Variants in PHF8 observed in about 807,000 individuals in gnomAD.
PHF8 encodes PHD finger protein 8, also known as histone lysine demethylase PHF8.
In PHF8, 9 loss-of-function variants were observed where a neutral mutation model predicts 74.4. That is an observed-to-expected ratio of 0.12 (90% CI 0.07 to 0.21). PHF8 has a LOEUF of 0.21. PHF8 is among the 10% of genes least tolerant of loss of function. PHF8 has a pLI of 1.00. For missense variants in PHF8, 478 were observed against 816.6 expected (o/e 0.59, Z 5.05); for synonymous variants, 311 against 316.6 (o/e 0.98, Z 0.19).
intron 4 of PHF8, among the ~76,000 whole-genome samples, chrX:54,018,040 T>C (rs1342284024): frequency 9.0e-6 from 1 of 111,650 alleles, no homozygotes; most frequent in Non-Finnish European, 1.9e-5. Context: ...AACATGGTGC[T>C]CTTCTCTGGG....
At chrX:54,004,286 C>T (rs910893213) in intron 8 of PHF8, among the ~76,000 whole-genome samples, 1 of 108,853 alleles carries the variant, frequency 9.2e-6, no homozygotes, top group African/African-American at 3.3e-5. Context: ...TGCCTGGGAA[C>T]AGAAAACTAT....
At chrX:54,002,952 T>C (rs192010494) in intron 8 of PHF8, among the ~76,000 whole-genome samples, 63 of 111,838 alleles carry the variant, frequency 5.6e-4, no homozygotes, top group African/African-American at 1.8e-3. Flanking sequence ...GGGTATACAG[T>C]GGAGTTTTCC....
intron 14 of PHF8, among the ~76,000 whole-genome samples, chrX:53,992,396 C>T (rs965384023): frequency 8.9e-6 from 1 of 111,828 alleles, no homozygotes; most frequent in East Asian, 2.8e-4. Context: ...AAAATCTAAT[C>T]GAAAGTCAAA....
chrX:53,976,167 T>C (rs2065371957), intron 18 of PHF8, among the ~76,000 whole-genome samples: 1 of 109,362 alleles, frequency 9.1e-6, no homozygotes, highest in Non-Finnish European at 1.9e-5. Flanking sequence ...TAGCTGGACA[T>C]GGTGGCGCCT....
rs148853139 is a variant in PHF8, at chrX:54,027,041, T to A, written c.99-4198A>T. Among the ~76,000 whole-genome samples, 788 of 111,433 alleles carry A rather than the reference T, an allele frequency of 7.1e-3. 2 individuals are homozygous for A. The highest frequency in any genetic ancestry group is 0.019 in the Middle Eastern group (4 of 213). On this transcript the variant is annotated intron_variant, in intron 2 of 21. Transcript: ENST00000338154. ...ATCTACCTCCTTCTACACCCATCCTTTTTTTCCTATCACAACAAAAGTACT... is the reference window on the plus strand; with the variant it reads ...ATCTACCTCCTTCTACACCCATCCTATTTTTCCTATCACAACAAAAGTACT...
At chrX:54,044,925 G>A, upstream of PHF8, 1 of 1,127,113 alleles carries the variant, frequency 8.9e-7, no homozygotes, top group Non-Finnish European at 1.2e-6. Flanking sequence ...CTTTCCCACG[G>A]TCTCTGCGTT....
At chrX:53,952,659 G>A (rs191635012) in intron 19 of PHF8, among the ~76,000 whole-genome samples, 26 of 109,628 alleles carry the variant, frequency 2.4e-4, no homozygotes, top group South Asian at 7.8e-4. Context: ...TGAGGCGGGC[G>A]GATCATGAGG....
At chrX:53,959,066 A>G (rs1557089842) in intron 19 of PHF8, among the ~76,000 whole-genome samples, 2 of 111,772 alleles carry the variant, frequency 1.8e-5, no homozygotes, top group Non-Finnish European at 3.8e-5. Context: ...TCTTGTAGCC[A>G]TTAAAAATAT....
chrX:53,939,065 T>C lies in PHF8; in HGVS notation c.*93A>G. 8.6e-7 allele frequency: 1 copy of C among 1,161,126 alleles called. No individual in the cohort carries two copies. Among genetic ancestry groups the C allele is most frequent in the African/African-American group, 1.8e-5 (1 of 56,485 alleles). On this transcript the variant is annotated 3_prime_UTR_variant, in exon 22 of 22. Coordinates refer to ENST00000338154, the MANE Select transcript of PHF8 (RefSeq NM_015107.3). Reference sequence around the variant, plus strand: ...AGCAGGACAATGCACCTCAGCACCTTGTCCAGGGCAGATAGGATCCAGGAG... The same window carrying C: ...AGCAGGACAATGCACCTCAGCACCTCGTCCAGGGCAGATAGGATCCAGGAG...
Position 54,043,935 on chromosome X carries a change from G to C in PHF8, c.-266C>G. Reference sequence around the variant, plus strand: ...CGGCAGCCGGGCTAGCTCCGGGACTGCGAAGCGCCTCAGCGGAGGCTCGTC... The same window carrying C: ...CGGCAGCCGGGCTAGCTCCGGGACTCCGAAGCGCCTCAGCGGAGGCTCGTC... On this transcript the variant is annotated 5_prime_UTR_variant, in exon 1 of 22. Coordinates refer to ENST00000338154, the MANE Select transcript of PHF8 (RefSeq NM_015107.3). 1 of 754,979 alleles carries C rather than the reference G, an allele frequency of 1.3e-6. No homozygotes were observed. Among genetic ancestry groups the C allele is most frequent in the Non-Finnish European group, 1.6e-6 (1 of 639,410 alleles). 62.2% of individuals were successfully genotyped at this position (754,979 alleles called of 1,213,427 possible). A position where few individuals can be genotyped will look rare whatever the true frequency, so the allele number is the denominator to read the frequency against.
chrX:54,042,664 T>C lies in PHF8; in HGVS notation c.65A>G (p.Glu22Gly), dbSNP rs1478213644. The change falls in exon 2 of 22, where the codon GAG becomes GGG. Residue 22 changes from glutamate (E) to glycine (G), a missense_variant. This residue lies in a region of PHF8 where 15 missense variants were observed against 50.6 expected (regional missense o/e 0.30). Coordinates refer to ENST00000338154, the MANE Select transcript of PHF8 (RefSeq NM_015107.3). ...AAACCAGTCCTGGCACATGTCACAC[T>C]CGATCATGAAGCGGGTCACATCGTA... is the stretch of plus-strand genomic sequence containing the variant. ...LPYDVTRFMI[E>G]CDMCQDWFHG... 8.3e-7 allele frequency: 1 copy of C among 1,209,211 alleles called. No individual in the cohort carries two copies. The highest frequency in any genetic ancestry group is 1.1e-6 in the Non-Finnish European group (1 of 894,855).
At chrX:53,995,920 A>C (rs1213928382) in intron 11 of PHF8, 138 bp from the exon 12 acceptor site, 13 of 247,696 alleles carry the variant, frequency 5.2e-5, no homozygotes, top group Non-Finnish European at 7.2e-6. Flanking sequence ...ATCCACATGC[A>C]AAAAAAAAAA....
intron 18 of PHF8, among the ~76,000 whole-genome samples, chrX:53,966,382 C>G (rs2065187213): frequency 8.9e-6 from 1 of 112,622 alleles, no homozygotes; most frequent in Admixed American, 9.3e-5. Context: ...CAGGCGCGTG[C>G]CGCCACGCCT....
chrX:53,995,566 T>A, intron 12 of PHF8, 127 bp downstream of exon 12: 1 of 502,340 alleles, frequency 2.0e-6, no homozygotes, highest in Non-Finnish European at 3.6e-6. Flanking sequence ...AACGAATGAA[T>A]TGGGTCTTTG....
intron 19 of PHF8, among the ~76,000 whole-genome samples, chrX:53,954,499 CAAAAAAAAAAAAAA>C (rs1180184175): frequency 2.3e-4 from 3 of 13,126 alleles, no homozygotes; most frequent in East Asian, 3.5e-3. Context: ...GACTCTGTCT[CAAAAAAAAAAAAAA>C]AAAAAAAAAA....
At chrX:54,030,165 G>A (rs2066331428) in intron 2 of PHF8, among the ~76,000 whole-genome samples, 1 of 111,352 alleles carries the variant, frequency 9.0e-6, no homozygotes, top group Non-Finnish European at 1.9e-5. Flanking sequence ...CACTACATTT[G>A]CCAGATAGTG....
intron 19 of PHF8, among the ~76,000 whole-genome samples, chrX:53,954,520 A>AAAAAG (rs1557088045): frequency 5.7e-5 from 6 of 104,781 alleles, no homozygotes; most frequent in Admixed American, 1.1e-4. Flanking sequence ...AAAAAAAAAA[A>AAAAAG]AAAAGAAAAG....
intron 18 of PHF8, among the ~76,000 whole-genome samples, chrX:53,979,348 C>A (rs1387085574): frequency 9.0e-6 from 1 of 111,188 alleles, no homozygotes; most frequent in African/African-American, 3.3e-5. Context: ...CACCACTGCA[C>A]CCCAGCCTGG....
At chrX:54,026,993 A>G (rs1375268076) in intron 2 of PHF8, among the ~76,000 whole-genome samples, 7 of 111,253 alleles carry the variant, frequency 6.3e-5, no homozygotes, top group Admixed American at 5.8e-4. Flanking sequence ...TCAGAGGTGA[A>G]CTACCTTAAC....
Sources: allele counts gnomAD v4.1 joint callset (sites outside exome capture counted in the v4.1 genomes callset), GRCh38; gene constraint gnomAD v4.1.1; regional missense constraint gnomAD v4.1.1; transcripts MANE v1.5; gene names NCBI Gene and HGNC (gene_info 2026-07-23, HGNC 2026-07-21).